KCNAB1: variants seen among roughly 807,000 people sequenced by gnomAD.
KCNAB1 encodes potassium voltage-gated channel subfamily A regulatory beta subunit 1.
In KCNAB1, 35 loss-of-function variants were observed where a neutral mutation model predicts 64.6. The ratio of observed to expected loss-of-function variants is 0.54; its 90% confidence interval spans 0.41 to 0.72. The LOEUF (loss-of-function observed/expected upper bound fraction) is 0.72, where lower values mean the gene tolerates loss of function less well. KCNAB1 is among the 30% of genes least tolerant of loss of function. KCNAB1 has a pLI of 0.00. For synonymous variants in KCNAB1, 177 were observed against 183.8 expected, an observed-to-expected ratio of 0.96 and a Z score of 0.30; for missense variants, 401 against 512.9, an observed-to-expected ratio of 0.78 and a Z score of 2.11.
chr3:156,183,252 G>A (rs980380355), intron 1 of KCNAB1, among the ~76,000 whole-genome samples: 3 of 152,042 alleles, frequency 2.0e-5, no homozygotes, highest in African/African-American at 7.2e-5. Flanking sequence ...TCAGAAGGGT[G>A]CAGAGCCAAA....
chr3:156,351,799 C>T (rs935200069), intron 1 of KCNAB1, among the ~76,000 whole-genome samples: 2 of 152,200 alleles, frequency 1.3e-5, no homozygotes, highest in Non-Finnish European at 1.5e-5. Context: ...AATTCAGGGT[C>T]TCTCTCCCTG....
intron 1 of KCNAB1, among the ~76,000 whole-genome samples, chr3:156,181,403 G>A (rs1712808430): frequency 6.6e-6 from 1 of 152,196 alleles, no homozygotes; most frequent in African/African-American, 2.4e-5. Context: ...GAGTGCCAGG[G>A]TGAGGAGTTG....
chr3:156,513,507 C>G (rs1372655406), intron 8 of KCNAB1, among the ~76,000 whole-genome samples: 4 of 152,164 alleles, frequency 2.6e-5, no homozygotes, highest in African/African-American at 9.7e-5. Context: ...AAACACTGAC[C>G]TGCTTTGTAG....
At chr3:156,341,026 T>C (rs1031786041) in intron 1 of KCNAB1, among the ~76,000 whole-genome samples, 1 of 152,260 alleles carries the variant, frequency 6.6e-6, no homozygotes, top group Non-Finnish European at 1.5e-5. Context: ...CCTCCTGTTA[T>C]GCAATACGTT....
upstream of KCNAB1, among the ~76,000 whole-genome samples, chr3:156,119,559 A>G (rs914670630): frequency 3.9e-5 from 6 of 152,208 alleles, no homozygotes; most frequent in Admixed American, 1.3e-4. Context: ...AGAAAAATAC[A>G]TGCACCTTCC....
chr3:156,435,785 T>G (rs2108251248), intron 2 of KCNAB1, among the ~76,000 whole-genome samples: 1 of 152,328 alleles, frequency 6.6e-6, no homozygotes, highest in East Asian at 1.9e-4. Context: ...TGGAATTAAA[T>G]AAGGCATACC....
At chr3:156,414,446 T>G (rs1182484119) in intron 1 of KCNAB1, among the ~76,000 whole-genome samples, 2 of 152,206 alleles carry the variant, frequency 1.3e-5, no homozygotes, top group Non-Finnish European at 2.9e-5. Flanking sequence ...ATTGCCACAA[T>G]TTCCAAGTGG....
intron 1 of KCNAB1, among the ~76,000 whole-genome samples, chr3:156,245,840 A>T (rs1430904287): frequency 2.0e-5 from 3 of 152,216 alleles, no homozygotes; most frequent in Non-Finnish European, 4.4e-5. Context: ...TTAAAAAATC[A>T]GCCCAGAGAA....
At chr3:156,406,262 G>A (rs954831439) in intron 1 of KCNAB1, among the ~76,000 whole-genome samples, 9 of 152,192 alleles carry the variant, frequency 5.9e-5, no homozygotes, top group African/African-American at 2.2e-4. Context: ...GAAAACCATA[G>A]CCTATCATGG....
chr3:156,248,052 C>T (rs558505844), intron 1 of KCNAB1, among the ~76,000 whole-genome samples: 2 of 152,168 alleles, frequency 1.3e-5, no homozygotes, highest in Non-Finnish European at 2.9e-5. Context: ...GTTCTTTTAT[C>T]TCCCCAGTTC....
intron 7 of KCNAB1, among the ~76,000 whole-genome samples, chr3:156,473,582 GC>G (rs757007887): frequency 1.3e-5 from 2 of 152,122 alleles, no homozygotes; most frequent in Non-Finnish European, 2.9e-5. Flanking sequence ...CTTCATCAAA[GC>G]TTTTAACAAG....
chr3:156,228,566 C>T (rs1576626557), intron 1 of KCNAB1, among the ~76,000 whole-genome samples: 2 of 152,190 alleles, frequency 1.3e-5, no homozygotes, highest in African/African-American at 4.8e-5. Flanking sequence ...CTAGAGACCG[C>T]TGCAGGTGTG....
chr3:156,528,886 T>C (rs1718504916), intron 12 of KCNAB1, among the ~76,000 whole-genome samples: 2 of 152,210 alleles, frequency 1.3e-5, no homozygotes, highest in African/African-American at 4.8e-5. Context: ...CAATGAGTTA[T>C]GTCAGGCACT....
intron 1 of KCNAB1, among the ~76,000 whole-genome samples, chr3:156,311,713 G>C (rs1721915755): frequency 6.6e-6 from 1 of 152,168 alleles, no homozygotes; most frequent in South Asian, 2.1e-4. Context: ...AAGATGGCTG[G>C]TGTGTGAGAG....
At chr3:156,127,470 G>A (rs1388276903) in intron 1 of KCNAB1, among the ~76,000 whole-genome samples, 4 of 152,196 alleles carry the variant, frequency 2.6e-5, no homozygotes, top group Admixed American at 2.6e-4. Flanking sequence ...TTAGTTATAT[G>A]CTAGAAAGAT....
intron 1 of KCNAB1, among the ~76,000 whole-genome samples, chr3:156,339,895 A>G (rs1369278959): frequency 6.6e-6 from 1 of 152,186 alleles, no homozygotes; most frequent in Non-Finnish European, 1.5e-5. Flanking sequence ...GATCCAGTTC[A>G]TTCCTTGTCT....
intron 4 of KCNAB1, among the ~76,000 whole-genome samples, chr3:156,459,298 C>T (rs1712703220): frequency 6.6e-6 from 1 of 152,188 alleles, no homozygotes; most frequent in Non-Finnish European, 1.5e-5. Flanking sequence ...CTCTGTTTTG[C>T]TCCTATGACA....
intron 1 of KCNAB1, among the ~76,000 whole-genome samples, chr3:156,124,525 A>C (rs971479922): frequency 1.3e-5 from 2 of 151,940 alleles, no homozygotes. Context: ...CCGAGGCTCT[A>C]TTTCTAGAAG....
rs115186561 is a variant in KCNAB1 at position 156,289,504 on chromosome 3, C to T, written c.276-132112C>T. Among the ~76,000 whole-genome samples the T allele has an allele frequency of 4.2e-3, 647 of 152,302 alleles. 2 individuals are homozygous for T. Among genetic ancestry groups the T allele is most frequent in the African/African-American group, 0.015 (625 of 41,556 alleles). On this transcript the variant is annotated intron_variant, in intron 1 of 13. Coordinates refer to ENST00000490337, the MANE Select transcript of KCNAB1 (RefSeq NM_172160.3). ...AAAGGTTCTAATGATCTGGCTTCCTCTCTGCCCACTGTTGTTTATCCAGGG... is the reference window on the plus strand; with the variant it reads ...AAAGGTTCTAATGATCTGGCTTCCTTTCTGCCCACTGTTGTTTATCCAGGG...
Sources: allele counts gnomAD v4.1 joint callset (sites outside exome capture counted in the v4.1 genomes callset), GRCh38; gene constraint gnomAD v4.1.1; transcripts MANE v1.5; gene names NCBI Gene and HGNC (gene_info 2026-07-23, HGNC 2026-07-21).